Variants in FBXL13 observed in about 807,000 individuals in gnomAD.
FBXL13 encodes the protein F-box and leucine rich repeat protein 13, also known as F-box and leucine-rich repeat protein 13.
FBXL13 carries 67 observed loss-of-function variants against 83.6 expected under a neutral mutation model. That is an observed-to-expected ratio of 0.80 (90% CI 0.66 to 0.98). The LOEUF (loss-of-function observed/expected upper bound fraction) is 0.98, where lower values mean the gene tolerates loss of function less well. Ranked by LOEUF, FBXL13 falls within the 50% of genes least tolerant of loss-of-function variation. FBXL13 has a pLI of 0.00. For synonymous variants in FBXL13, 272 were observed against 299.5 expected (o/e 0.91, Z 0.95); for missense variants, 822 against 866.5 (o/e 0.95, Z 0.64).
At chr7:102,910,021 C>T (rs192483735) in intron 11 of FBXL13, among the ~76,000 whole-genome samples, 6 of 152,268 alleles carry the variant, frequency 3.9e-5, no homozygotes, top group Middle Eastern at 3.4e-3. Context: ...GGAGGCACAG[C>T]GCACTGTAGC....
chr7:102,973,684 A>T, intron 6 of FBXL13: 1 of 766,436 alleles, frequency 1.3e-6, no homozygotes, highest in Non-Finnish European at 2.4e-6. Context: ...CGCCCCAGAA[A>T]GCAGGCCACA....
At position 102,964,390 on chromosome 7, in the gene FBXL13, C is replaced by CTATATA. The variant is rs371731702; in HGVS notation, c.592-731_592-726dup. Among the ~76,000 whole-genome samples the CTATATA allele has an allele frequency of 1.3e-3, 185 of 140,472 alleles. 2 individuals carry two copies. The East Asian group carries it at 0.026, about 20-fold the overall frequency. 92.2% of individuals were successfully genotyped at this position (140,472 alleles called of 152,430 possible). The stretch of plus-strand genomic sequence containing the variant: ...TCCATAACTCCACACAATTTTGTGA[C>CTATATA]TATATATATATATATTTTTTTTTTT... On this transcript the variant is annotated intron_variant, in intron 7 of 19. Transcript: ENST00000313221.
chr7:102,840,871 A>C (rs1239870299), intron 17 of FBXL13, among the ~76,000 whole-genome samples: 2 of 152,178 alleles, frequency 1.3e-5, no homozygotes, highest in East Asian at 1.9e-4. Flanking sequence ...TTAAAAGAAA[A>C]TGTGTATTCC....
chr7:102,844,137 A>G (rs1257664681), intron 17 of FBXL13, among the ~76,000 whole-genome samples: 1 of 152,232 alleles, frequency 6.6e-6, no homozygotes, highest in Non-Finnish European at 1.5e-5. Flanking sequence ...TACCCACTGC[A>G]TTCTGGTTTC....
intron 6 of FBXL13, among the ~76,000 whole-genome samples, chr7:102,975,437 C>T (rs1827301637): frequency 6.6e-6 from 1 of 152,224 alleles, no homozygotes. Context: ...CAAGCTCCTG[C>T]TCAGCCTACT....
intron 2 of FBXL13, among the ~76,000 whole-genome samples, chr7:103,052,565 T>C (rs550475710): frequency 1.3e-5 from 2 of 152,362 alleles, no homozygotes; most frequent in South Asian, 4.1e-4. Flanking sequence ...TTTTCATGTC[T>C]AACCTTAACA....
chr7:102,881,436 CAAA>C (rs34979881), intron 14 of FBXL13, among the ~76,000 whole-genome samples: 3 of 61,418 alleles, frequency 4.9e-5, no homozygotes, highest in Admixed American at 1.8e-4. Context: ...GACTCCATCT[CAAA>C]AAAAAAAAAA....
At chr7:102,826,745 A>G (rs796676601) in intron 18 of FBXL13, among the ~76,000 whole-genome samples, 39 of 68,846 alleles carry the variant, frequency 5.7e-4, no homozygotes, top group South Asian at 2.3e-3. Flanking sequence ...ATATATATAT[A>G]TATATATATA....
At chr7:102,926,187 A>G in intron 10 of FBXL13, 87 bp downstream of exon 11, 1 of 1,057,874 alleles carries the variant, frequency 9.5e-7, no homozygotes, top group South Asian at 1.5e-5. Flanking sequence ...TGATAAAGGG[A>G]GCACTGCCCT....
At chr7:102,962,380 C>A (rs28849538) in intron 8 of FBXL13, among the ~76,000 whole-genome samples, 32 of 152,046 alleles carry the variant, frequency 2.1e-4, no homozygotes, top group South Asian at 2.1e-4. Flanking sequence ...TTTACACTGT[C>A]GGTGGGACTG....
chr7:102,944,706 G>GCTAAA, intron 8 of FBXL13: 1 of 1,068,672 alleles, frequency 9.4e-7, no homozygotes, highest in Admixed American at 2.7e-5. Context: ...TATTTATGCA[G>GCTAAA]GGTAATCCAG....
chr7:102,871,012 A>C (rs1459680927), intron 16 of FBXL13, among the ~76,000 whole-genome samples: 1 of 152,146 alleles, frequency 6.6e-6, no homozygotes, highest in Non-Finnish European at 1.5e-5. Context: ...TCCACACTTG[A>C]CTACATCACC....
chr7:102,823,763 G>A (rs115654893), intron 18 of FBXL13, among the ~76,000 whole-genome samples: 1,647 of 152,248 alleles, frequency 0.011, 34 homozygotes, highest in African/African-American at 0.038. Context: ...AAAGTTAAAA[G>A]AAAAATCACT....
At chr7:102,913,325 G>A in intron 10 of FBXL13, 110 bp from the exon 12 acceptor site, 1 of 1,344,866 alleles carries the variant, frequency 7.4e-7, no homozygotes, top group Non-Finnish European at 1.0e-6. Context: ...TCTTCTTGCA[G>A]ATGTTCAACA....
intron 6 of FBXL13, among the ~76,000 whole-genome samples, chr7:103,022,151 T>TA (rs1793258801): frequency 1.3e-5 from 2 of 152,068 alleles, no homozygotes; most frequent in South Asian, 2.1e-4. Context: ...TATGCAGCCA[T>TA]AAAAAATGAT....
At chr7:102,987,757 C>T (rs1829139329) in intron 6 of FBXL13, among the ~76,000 whole-genome samples, 1 of 152,060 alleles carries the variant, frequency 6.6e-6, no homozygotes, top group Non-Finnish European at 1.5e-5. Context: ...TCCCACAATT[C>T]TAATTTGGAT....
intron 1 of FBXL13, among the ~76,000 whole-genome samples, chr7:103,070,726 A>C (rs146217421): frequency 0.011 from 1,678 of 152,326 alleles, 35 homozygotes; most frequent in African/African-American, 0.039. Context: ...GCCAGCATGT[A>C]ACATGGGAAG....
chr7:103,015,839 C>T (rs1278986383), intron 6 of FBXL13, among the ~76,000 whole-genome samples: 1 of 147,558 alleles, frequency 6.8e-6, no homozygotes, highest in Admixed American at 6.8e-5. Context: ...AGTAGTATTC[C>T]TATACACCAA....
chr7:103,011,631 C>CT (rs976236469), intron 6 of FBXL13, among the ~76,000 whole-genome samples: 10 of 143,536 alleles, frequency 7.0e-5, no homozygotes, highest in Admixed American at 2.1e-4. Flanking sequence ...GAGTAAGACT[C>CT]TGTCTCAAAA....
Sources: gnomAD v4.1 joint callset for allele counts (sites outside exome capture counted in the v4.1 genomes callset) on GRCh38, gnomAD v4.1.1 for gene constraint, MANE v1.5 for transcripts, NCBI Gene and HGNC (gene_info 2026-07-23, HGNC 2026-07-21) for gene names.